The following SPATA16 variants were observed in gnomAD, a reference collection of about 807,000 sequenced individuals.
SPATA16 encodes the protein spermatogenesis-associated protein 16.
SPATA16 carries 36 observed loss-of-function variants against 63.3 expected under a neutral mutation model. The ratio of observed to expected loss-of-function variants is 0.57; its 90% CI spans 0.44 to 0.75. The LOEUF (loss-of-function observed/expected upper bound fraction) is 0.75, where lower values mean the gene tolerates loss of function less well. SPATA16 is among the 30% of genes least tolerant of loss of function. The pLI is 0.00. For synonymous variants in SPATA16, 203 were observed against 216.7 expected (o/e 0.94, Z 0.56); for missense variants, 646 against 679.3 (o/e 0.95, Z 0.54).
At chr3:173,028,759 T>C (rs1218777446) in intron 3 of SPATA16, among the ~76,000 whole-genome samples, 2 of 151,964 alleles carry the variant, frequency 1.3e-5, no homozygotes, top group Non-Finnish European at 2.9e-5. Flanking sequence ...TAACACATTG[T>C]TTTCAAATAA....
intron 1 of SPATA16, among the ~76,000 whole-genome samples, chr3:173,130,657 A>G (rs373279805): frequency 1.3e-5 from 2 of 152,232 alleles, no homozygotes; most frequent in East Asian, 1.9e-4. Context: ...GTTTATCTAC[A>G]TATGCATGTC....
chr3:172,987,311 A>G (rs1734479717), intron 4 of SPATA16, among the ~76,000 whole-genome samples: 1 of 152,094 alleles, frequency 6.6e-6, no homozygotes, highest in African/African-American at 2.4e-5. Flanking sequence ...GTGCCTGGTA[A>G]ACCTTAGAGA....
chr3:173,123,167 T>A (rs1488167629), intron 1 of SPATA16, among the ~76,000 whole-genome samples: 1 of 152,252 alleles, frequency 6.6e-6, no homozygotes, highest in South Asian at 2.1e-4. Flanking sequence ...AACCATCCAG[T>A]GTTATATACA....
intron 2 of SPATA16, among the ~76,000 whole-genome samples, chr3:173,056,762 TA>T: frequency 7.4e-6 from 1 of 135,818 alleles, no homozygotes; most frequent in Middle Eastern, 3.9e-3. Context: ...TTTTGGGACA[TA>T]ATCATTTTTT....
intron 2 of SPATA16, among the ~76,000 whole-genome samples, chr3:173,116,512 T>G (rs1166082781): frequency 1.3e-5 from 2 of 152,234 alleles, no homozygotes; most frequent in Non-Finnish European, 2.9e-5. Flanking sequence ...ATGGCTATTT[T>G]TTATGCCAAG....
At chr3:173,118,273 A>AAATCTC (rs1417021057) in intron 1 of SPATA16, among the ~76,000 whole-genome samples, 49 of 152,210 alleles carry the variant, frequency 3.2e-4, no homozygotes, top group African/African-American at 1.2e-3. Context: ...TTACTAATGA[A>AAATCTC]AATCTCAAGT....
chr3:172,987,072 G>T (rs1394400431), intron 4 of SPATA16, among the ~76,000 whole-genome samples: 2 of 152,138 alleles, frequency 1.3e-5, no homozygotes, highest in Non-Finnish European at 2.9e-5. Flanking sequence ...AGAAGTTATT[G>T]TTCCTATTAA....
chr3:172,955,070 TA>T (rs1180114787), intron 6 of SPATA16, among the ~76,000 whole-genome samples: 2 of 152,350 alleles, frequency 1.3e-5, no homozygotes, highest in African/African-American at 4.8e-5. Context: ...CAACAGATCA[TA>T]ATTCATCTTG....
At chr3:173,006,311 C>T (rs1257460417) in intron 4 of SPATA16, among the ~76,000 whole-genome samples, 1 of 152,228 alleles carries the variant, frequency 6.6e-6, no homozygotes, top group Non-Finnish European at 1.5e-5. Context: ...ACACACTAAA[C>T]TGCCCTGAGA....
At chr3:172,925,197 GA>G (rs1732700154) in intron 7 of SPATA16, 148 bp downstream of exon 7, 1 of 873,728 alleles carries the variant, frequency 1.1e-6, no homozygotes, top group Non-Finnish European at 1.8e-6. Context: ...TGTTCTTGGG[GA>G]AAGATTTCCT....
chr3:172,922,317 T>G (rs1577090270), intron 8 of SPATA16, among the ~76,000 whole-genome samples: 1 of 152,212 alleles, frequency 6.6e-6, no homozygotes, highest in East Asian at 1.9e-4. Flanking sequence ...TTGATGAAAT[T>G]CCTTGCAGAC....
At position 172,902,134 on chromosome 3, in the gene SPATA16, T is replaced by A. The variant is rs564602265; in HGVS notation, c.1587+11527A>T. Among the ~76,000 whole-genome samples, 108 of 152,214 alleles carry A rather than the reference T, an allele frequency of 7.1e-4. 6 individuals carry two copies. In the South Asian group the frequency reaches 0.022, roughly 32 times the overall value. Reference sequence around the variant, plus strand: ...CTCACTGAAACCTCCGCCTCTCGGGTTCAAGTGATTCTCCTGCCTCAGCTT... The same window carrying A: ...CTCACTGAAACCTCCGCCTCTCGGGATCAAGTGATTCTCCTGCCTCAGCTT... On this transcript the variant is annotated intron_variant, in intron 10 of 10. Coordinates refer to ENST00000351008, the MANE Select transcript of SPATA16 (RefSeq NM_031955.6).
chr3:172,999,982 A>G (rs573660656), intron 4 of SPATA16, among the ~76,000 whole-genome samples: 21 of 152,130 alleles, frequency 1.4e-4, no homozygotes, highest in Admixed American at 4.6e-4. Flanking sequence ...GGATCTGTCA[A>G]TTTCTGATAG....
intron 10 of SPATA16, among the ~76,000 whole-genome samples, chr3:172,902,672 T>C (rs1202506006): frequency 2.6e-5 from 4 of 152,212 alleles, no homozygotes; most frequent in South Asian, 2.1e-4. Context: ...CTCCAACATA[T>C]GTCCACACTC....
chr3:173,033,139 T>C (rs1735642351), intron 3 of SPATA16, among the ~76,000 whole-genome samples: 1 of 152,190 alleles, frequency 6.6e-6, no homozygotes, highest in African/African-American at 2.4e-5. Context: ...GATAGATAAG[T>C]AGGGCATTTG....
At chr3:173,008,442 C>T (rs1327689930) in intron 4 of SPATA16, among the ~76,000 whole-genome samples, 1 of 151,974 alleles carries the variant, frequency 6.6e-6, no homozygotes, top group Non-Finnish European at 1.5e-5. Flanking sequence ...GTTGATTTTC[C>T]CTATTTTGGC....
chr3:172,931,496 C>T (rs1732871605), intron 6 of SPATA16, among the ~76,000 whole-genome samples: 1 of 152,166 alleles, frequency 6.6e-6, no homozygotes, highest in South Asian at 2.1e-4. Flanking sequence ...GATGCCCCTG[C>T]CTTGGCCTCC....
At chr3:173,032,839 AG>A (rs1204164040) in intron 3 of SPATA16, among the ~76,000 whole-genome samples, 1 of 152,194 alleles carries the variant, frequency 6.6e-6, no homozygotes, top group Non-Finnish European at 1.5e-5. Context: ...TCAGCACCTA[AG>A]TGAATGCCTG....
intron 10 of SPATA16, among the ~76,000 whole-genome samples, chr3:172,909,591 G>A (rs151127226): frequency 3.9e-5 from 6 of 152,302 alleles, no homozygotes; most frequent in Non-Finnish European, 8.8e-5. Context: ...AGTGTCAACT[G>A]TAAGCCACGT....
Sources: gnomAD v4.1 joint callset for allele counts (sites outside exome capture counted in the v4.1 genomes callset) on GRCh38, gnomAD v4.1.1 for gene constraint, MANE v1.5 for transcripts, NCBI Gene and HGNC (gene_info 2026-07-23, HGNC 2026-07-21) for gene names.